RFX7: variants seen among roughly 807,000 people sequenced by gnomAD.
RFX7 encodes regulatory factor X7, also known as DNA-binding protein RFX7.
Under a neutral mutation model 111.8 loss-of-function variants are expected in RFX7, and 26 were observed. The ratio of observed to expected loss-of-function variants is 0.23; its 90% CI spans 0.17 to 0.32. The LOEUF is 0.32. Among genes scored for constraint, RFX7 ranks in the 10% least tolerant of loss-of-function variants. The pLI is 1.00. For synonymous variants in RFX7, 624 were observed against 624.4 expected, an observed-to-expected ratio of 1.00 and a Z score of 0.01; for missense variants, 1,573 against 1,772.9, an observed-to-expected ratio of 0.89 and a Z score of 2.02.
intron 5 of RFX7, among the ~76,000 whole-genome samples, chr15:56,138,056 AGGTGT>A (rs1416497203): frequency 6.8e-6 from 1 of 146,472 alleles, no homozygotes; most frequent in Non-Finnish European, 1.5e-5. Flanking sequence ...ATTTTGGAAT[AGGTGT>A]GGTGTGGTGC....
chr15:56,211,538 C>G (rs926884667), intron 2 of RFX7, among the ~76,000 whole-genome samples: 5 of 152,030 alleles, frequency 3.3e-5, no homozygotes, highest in Non-Finnish European at 7.4e-5. Context: ...TAAAAGAAAG[C>G]ATTGATGAGC....
intron 5 of RFX7, among the ~76,000 whole-genome samples, chr15:56,106,978 G>A (rs1446151629): frequency 1.3e-5 from 2 of 152,026 alleles, no homozygotes; most frequent in Admixed American, 6.5e-5. Flanking sequence ...AACGGAGAAT[G>A]TTCTGTTTAC....
At chr15:56,115,947 A>G (rs1392083016) in intron 5 of RFX7, among the ~76,000 whole-genome samples, 1 of 152,112 alleles carries the variant, frequency 6.6e-6, no homozygotes, top group African/African-American at 2.4e-5. Flanking sequence ...CGTCTCAAAA[A>G]AAAAAAAAAA....
At chr15:56,240,593 T>C (rs188615340) in intron 2 of RFX7, among the ~76,000 whole-genome samples, 3 of 152,272 alleles carry the variant, frequency 2.0e-5, no homozygotes, top group Admixed American at 1.3e-4. Flanking sequence ...GGAGGACAAG[T>C]ACAGACTTGT....
At chr15:56,213,515 T>C (rs1470359911) in intron 2 of RFX7, among the ~76,000 whole-genome samples, 2 of 152,188 alleles carry the variant, frequency 1.3e-5, no homozygotes, top group African/African-American at 2.4e-5. Flanking sequence ...GATTAGTGAC[T>C]GCCAATAGTT....
intron 2 of RFX7, among the ~76,000 whole-genome samples, chr15:56,229,193 GA>G (rs2043520103): frequency 6.6e-6 from 1 of 152,188 alleles, no homozygotes; most frequent in Non-Finnish European, 1.5e-5. Flanking sequence ...TTCAGAAAGT[GA>G]AACTGCAGAT....
chr15:56,140,822 T>A (rs555071922), intron 5 of RFX7, among the ~76,000 whole-genome samples: 14 of 152,200 alleles, frequency 9.2e-5, no homozygotes, highest in African/African-American at 2.6e-4. Context: ...CAAGGAAAAA[T>A]TCAAATATTA....
intron 2 of RFX7, among the ~76,000 whole-genome samples, chr15:56,212,326 G>T (rs2043320738): frequency 6.6e-6 from 1 of 152,148 alleles, no homozygotes; most frequent in African/African-American, 2.4e-5. Flanking sequence ...ACAGTACAAA[G>T]ATCAGTGGTT....
intron 2 of RFX7, among the ~76,000 whole-genome samples, chr15:56,231,327 A>C (rs2043555024): frequency 6.6e-6 from 1 of 152,136 alleles, no homozygotes; most frequent in African/African-American, 2.4e-5. Context: ...GTAATTTATA[A>C]AGAAAAAGAG....
chr15:56,103,380 T>C (rs1595925348), intron 6 of RFX7, among the ~76,000 whole-genome samples, 174 bp downstream of exon 6: 1 of 152,204 alleles, frequency 6.6e-6, no homozygotes, highest in African/African-American at 2.4e-5. Flanking sequence ...ATTTCTTTCA[T>C]AGTGTGATAA....
chr15:56,153,515 A>G (rs1437499693), intron 3 of RFX7, among the ~76,000 whole-genome samples: 1 of 151,880 alleles, frequency 6.6e-6, no homozygotes, highest in Non-Finnish European at 1.5e-5. Flanking sequence ...CATAAACCCA[A>G]TCCACATAAA....
intron 3 of RFX7, 113 bp from the exon 4 acceptor site, chr15:56,144,596 A>G (rs2042443721): frequency 2.7e-6 from 1 of 371,326 alleles, no homozygotes; most frequent in Non-Finnish European, 5.4e-6. Context: ...TTTAAAACAG[A>G]TGAATCATCT....
Position 56,180,854 on chromosome 15 carries a change from T to G in RFX7, c.162-1551A>C, listed in dbSNP as rs1269097133. ...ATTGCTTGAACCCGGGAGGCAGAGGTTGCAGTGAGGTGAGATTGTGCCACT... is the reference window on the plus strand; with the variant it reads ...ATTGCTTGAACCCGGGAGGCAGAGGGTGCAGTGAGGTGAGATTGTGCCACT... On this transcript the variant is annotated intron_variant, in intron 2 of 9. Coordinates refer to ENST00000559447, the MANE Select transcript of RFX7 (RefSeq NM_022841.7). Among the ~76,000 whole-genome samples, 4 of 151,236 alleles carry G rather than the reference T, an allele frequency of 2.6e-5. No individual in the cohort carries two copies. In the East Asian group the frequency reaches 5.8e-4, roughly 22 times the overall value.
At chr15:56,195,763 C>A (rs929660178) in intron 2 of RFX7, among the ~76,000 whole-genome samples, 1 of 152,094 alleles carries the variant, frequency 6.6e-6, no homozygotes, top group Admixed American at 6.5e-5. Context: ...TAAAATTGCC[C>A]CACATTATTT....
At chr15:56,230,665 G>GA (rs1389876250) in intron 2 of RFX7, among the ~76,000 whole-genome samples, 4 of 152,076 alleles carry the variant, frequency 2.6e-5, no homozygotes, top group South Asian at 2.1e-4. Context: ...AACAGCACTG[G>GA]AAAAAAAATG....
chr15:56,102,849 A>G (rs763318972), intron 6 of RFX7, among the ~76,000 whole-genome samples: 1 of 152,138 alleles, frequency 6.6e-6, no homozygotes, highest in Non-Finnish European at 1.5e-5. Context: ...CATCTCCTCC[A>G]TTTTATGCTC....
rs1267197553 is a variant in RFX7, at chr15:56,089,217, T to C, written c.*4128A>G. 1 of 152,452 alleles carries C rather than the reference T, an allele frequency of 6.6e-6. No homozygotes were observed. The highest frequency in any genetic ancestry group is 2.1e-4 in the South Asian group (1 of 4,836). 9.4% of individuals were successfully genotyped at this position (152,452 alleles called of 1,614,324 possible). A position where few individuals can be genotyped will look rare whatever the true frequency, so the allele number is the denominator to read the frequency against. ...GTGTATGGAGTGCTTAATGGAAGAT[T>C]CTGAGATTTTTTTTTCTCTCTGATA... On this transcript the variant is annotated 3_prime_UTR_variant, in exon 10 of 10. Coordinates refer to ENST00000559447, the MANE Select transcript of RFX7 (RefSeq NM_022841.7).
chr15:56,118,273 C>G (rs913222450), intron 5 of RFX7, among the ~76,000 whole-genome samples: 1 of 152,074 alleles, frequency 6.6e-6, no homozygotes. Flanking sequence ...CTGTCAAATA[C>G]TAGATCTTAT....
chr15:56,114,249 C>G (rs545848369), intron 5 of RFX7, among the ~76,000 whole-genome samples: 1 of 150,818 alleles, frequency 6.6e-6, no homozygotes, highest in East Asian at 1.9e-4. Context: ...ATTAAAAATA[C>G]AGAAAAAAAA....
Sources: allele counts gnomAD v4.1 joint callset (sites outside exome capture counted in the v4.1 genomes callset), GRCh38; gene constraint gnomAD v4.1.1; transcripts MANE v1.5; gene names NCBI Gene and HGNC (gene_info 2026-07-23, HGNC 2026-07-21).